Variants in KLF8 observed in about 807,000 individuals in gnomAD.
KLF8 encodes the protein Krueppel-like factor 8.
Under a neutral mutation model 18.2 loss-of-function variants are expected in KLF8, and 10 were observed. The ratio of observed to expected loss-of-function variants is 0.55; its 90% CI spans 0.34 to 0.93. The LOEUF is 0.93. Ranked by LOEUF, KLF8 falls within the 40% of genes least tolerant of loss-of-function variation. The pLI is 0.02. For synonymous variants in KLF8, 109 were observed against 97.3 expected (o/e 1.12, Z -0.71); for missense variants, 264 against 277.9 (o/e 0.95, Z 0.36).
At chrX:55,950,905 C>A in the KLF8 span, among the ~76,000 whole-genome samples, 1 of 111,707 alleles carries the variant, frequency 9.0e-6, no homozygotes, top group African/African-American at 3.3e-5. Flanking sequence ...AATTAAATTG[C>A]ACTAGTTTAT....
the KLF8 span, among the ~76,000 whole-genome samples, chrX:56,004,830 G>A: frequency 9.0e-6 from 1 of 110,806 alleles, no homozygotes; most frequent in African/African-American, 3.3e-5. Context: ...TAATCATGAG[G>A]TTAGGTATTG....
the KLF8 span, among the ~76,000 whole-genome samples, chrX:55,956,850 C>G: frequency 9.0e-6 from 1 of 110,939 alleles, no homozygotes; most frequent in African/African-American, 3.3e-5. Flanking sequence ...TTATAAGTTG[C>G]CTTTTCAGTC....
chrX:56,168,718 A>T, the KLF8 span, among the ~76,000 whole-genome samples: 1 of 103,111 alleles, frequency 9.7e-6, no homozygotes, highest in African/African-American at 3.6e-5. Flanking sequence ...TCATTGTTCA[A>T]TTCCCACCTA....
At chrX:56,198,733 A>C in the KLF8 span, among the ~76,000 whole-genome samples, 1 of 112,189 alleles carries the variant, frequency 8.9e-6, no homozygotes, top group Non-Finnish European at 1.9e-5. Flanking sequence ...GAATTGGAAA[A>C]AACTACTTTG....
At chrX:55,982,079 C>A in the KLF8 span, among the ~76,000 whole-genome samples, 1 of 110,663 alleles carries the variant, frequency 9.0e-6, no homozygotes, top group South Asian at 3.8e-4. Context: ...GATAGTGACT[C>A]TAGGTCACCA....
At chrX:56,095,968 A>T in the KLF8 span, among the ~76,000 whole-genome samples, 2 of 111,824 alleles carry the variant, frequency 1.8e-5, no homozygotes, top group South Asian at 3.7e-4. Context: ...AAGGAAAATA[A>T]ATCATTATAT....
Position 56,232,888 on chromosome X carries a change from T to G in KLF8, c.-447T>G. On this transcript the variant is annotated 5_prime_UTR_variant, in exon 1 of 6. An upstream start codon of the reference 5' UTR is lost. Transcript: ENST00000468660. ...TAAAGGGTGTGTGGAGTTCAGAGGA[T>G]GGGTGGAGAGCGGGCTTGGCCGGAA... 7.9e-6 allele frequency: 1 copy of G among 126,364 alleles called. No homozygotes were observed. Among genetic ancestry groups the G allele is most frequent in the Non-Finnish European group, 1.6e-5 (1 of 63,153 alleles). The allele number at this position is 126,364 out of a possible 1,213,427, so 10.4% of individuals were successfully genotyped here.
chrX:55,974,590 GATAA>G, the KLF8 span, among the ~76,000 whole-genome samples: 1 of 112,089 alleles, frequency 8.9e-6, no homozygotes, highest in African/African-American at 3.2e-5. Context: ...TAAACCTTCA[GATAA>G]ATAAATATTT....
chrX:56,205,235 C>A, the KLF8 span, among the ~76,000 whole-genome samples: 2 of 111,392 alleles, frequency 1.8e-5, no homozygotes, highest in African/African-American at 6.5e-5. Flanking sequence ...TCTTAAGAAG[C>A]AACCATTTCT....
At chrX:55,928,017 CT>C in the KLF8 span, among the ~76,000 whole-genome samples, 1 of 111,846 alleles carries the variant, frequency 8.9e-6, no homozygotes, top group East Asian at 2.8e-4. Flanking sequence ...TCATTAATGC[CT>C]TTTTTACTCT....
chrX:55,992,329 A>T, the KLF8 span, among the ~76,000 whole-genome samples: 2 of 112,469 alleles, frequency 1.8e-5, no homozygotes, highest in Non-Finnish European at 3.8e-5. Flanking sequence ...CTAGCCAGTT[A>T]TCCCAGTACC....
At chrX:56,251,914 A>G (rs2066720137) in intron 2 of KLF8, among the ~76,000 whole-genome samples, 1 of 111,845 alleles carries the variant, frequency 8.9e-6, no homozygotes, top group African/African-American at 3.3e-5. Context: ...AAACAATGCA[A>G]TTACACTCTT....
chrX:56,193,713 G>A, the KLF8 span, among the ~76,000 whole-genome samples: 5 of 111,833 alleles, frequency 4.5e-5, no homozygotes, highest in Admixed American at 9.5e-5. Flanking sequence ...AATAAGCCAA[G>A]CACAGAAACA....
chrX:56,065,218 A>G, the KLF8 span, among the ~76,000 whole-genome samples: 1 of 111,759 alleles, frequency 8.9e-6, no homozygotes, highest in Non-Finnish European at 1.9e-5. Flanking sequence ...GGACATCACA[A>G]TTTTGAATAT....
chrX:56,115,809 C>T, the KLF8 span, among the ~76,000 whole-genome samples: 1 of 112,056 alleles, frequency 8.9e-6, no homozygotes, highest in South Asian at 3.7e-4. Context: ...TTCATGACAA[C>T]TCTATAAAGT....
rs2067265703 is a variant in KLF8, at chrX:56,286,132, T to A, written c.*1638T>A. 9.0e-6 allele frequency: 1 copy of A among 110,912 alleles called. No individual in the cohort carries two copies. The highest frequency in any genetic ancestry group is 9.6e-5 in the Admixed American group (1 of 10,380). 9.1% of individuals were successfully genotyped at this position (110,912 alleles called of 1,213,427 possible). A position where few individuals can be genotyped will look rare whatever the true frequency, so the allele number is the denominator to read the frequency against. On this transcript the variant is annotated 3_prime_UTR_variant, in exon 6 of 6. Coordinates refer to ENST00000468660, the MANE Select transcript of KLF8 (RefSeq NM_007250.5). The stretch of plus-strand genomic sequence containing the variant: ...GAGCCCTTATACACCTGCACGCTTA[T>A]TCTCCTGGGGATCACATAATTTTAT...
intron 1 of KLF8, among the ~76,000 whole-genome samples, chrX:56,235,447 G>A (rs1056408657): frequency 4.5e-5 from 4 of 89,738 alleles, no homozygotes; most frequent in South Asian, 1.0e-3. Context: ...ACGGTGTTTC[G>A]CCCTTGTTGC....
chrX:56,260,055 G>C (rs1029648647), intron 2 of KLF8, among the ~76,000 whole-genome samples: 3 of 110,392 alleles, frequency 2.7e-5, no homozygotes, highest in Non-Finnish European at 3.8e-5. Context: ...GTACATATAG[G>C]TATTCTTTGG....
At chrX:56,150,252 C>CT in the KLF8 span, among the ~76,000 whole-genome samples, 1 of 111,678 alleles carries the variant, frequency 9.0e-6, no homozygotes, top group East Asian at 2.8e-4. Flanking sequence ...TCCTTAACAC[C>CT]TTCACCTCAG....
Sources: allele counts gnomAD v4.1 joint callset (sites outside exome capture counted in the v4.1 genomes callset), GRCh38; gene constraint gnomAD v4.1.1; transcripts MANE v1.5; gene names NCBI Gene and HGNC (gene_info 2026-07-23, HGNC 2026-07-21).